The following PBX1 variants were observed in gnomAD, a reference collection of about 807,000 sequenced individuals.
PBX1 encodes PBX homeobox 1.
PBX1 carries 6 observed loss-of-function variants against 53.4 expected under a neutral mutation model. The ratio of observed to expected loss-of-function variants is 0.11; its 90% CI spans 0.06 to 0.22. The LOEUF (loss-of-function observed/expected upper bound fraction) is 0.22. Among genes scored for constraint, PBX1 ranks in the 10% least tolerant of loss-of-function variants. The pLI is 1.00. For synonymous variants in PBX1, 204 were observed against 212.3 expected, an observed-to-expected ratio of 0.96 and a Z score of 0.34; for missense variants, 251 against 551.4, an observed-to-expected ratio of 0.46 and a Z score of 5.46.
chr1:164,598,677 G>T (rs1655937837), intron 2 of PBX1, among the ~76,000 whole-genome samples: 1 of 152,190 alleles, frequency 6.6e-6, no homozygotes, highest in Non-Finnish European at 1.5e-5. Context: ...TGAGCAACAA[G>T]CACCACCCTT....
At chr1:164,758,593 G>A (rs1025056904) in intron 2 of PBX1, among the ~76,000 whole-genome samples, 9 of 152,092 alleles carry the variant, frequency 5.9e-5, no homozygotes, top group South Asian at 2.1e-4. Context: ...CCCTGTCTCC[G>A]TCACAACCTT....
intron 8 of PBX1, among the ~76,000 whole-genome samples, chr1:164,844,712 A>G (rs1366161620): frequency 1.3e-5 from 2 of 152,180 alleles, no homozygotes; most frequent in Non-Finnish European, 2.9e-5. Context: ...ACCAGAATCT[A>G]TATTCCTGGT....
chr1:164,856,676 A>G (rs1295124615), downstream of PBX1, among the ~76,000 whole-genome samples: 1 of 152,064 alleles, frequency 6.6e-6, no homozygotes, highest in Non-Finnish European at 1.5e-5. Context: ...AGAACACATG[A>G]CAGGTCTGTT....
intron 2 of PBX1, among the ~76,000 whole-genome samples, chr1:164,635,040 A>AGAGGCAAGT (rs1234293445): frequency 7.2e-6 from 1 of 138,192 alleles, no homozygotes; most frequent in Non-Finnish European, 1.5e-5. Context: ...TATTCTTATA[A>AGAGGCAAGT]GAGGCAAGTG....
chr1:164,877,906 C>G (rs1254930717), intron 2 of PBX1, among the ~76,000 whole-genome samples: 1 of 152,174 alleles, frequency 6.6e-6, no homozygotes, highest in Non-Finnish European at 1.5e-5. Flanking sequence ...CATCTTCTCC[C>G]CAGCCAACCA....
In PBX1 at chr1:164,672,464, G is replaced by A. The variant is rs889910723; in HGVS notation, c.265+109153G>A. On this transcript the variant is annotated intron_variant, in intron 2 of 8. Coordinates refer to ENST00000420696, the MANE Select transcript of PBX1 (RefSeq NM_002585.4). ...GATACTGAGACGTGACTGTTATGCT[G>A]ATAAAGGCAAGAGATCAATAATTTA... Among the ~76,000 whole-genome samples the A allele has an allele frequency of 2.0e-5, 3 of 152,316 alleles. No homozygotes were observed. In the South Asian group the frequency reaches 6.2e-4, roughly 32 times the overall value.
chr1:164,792,024 C>T (rs1456958105), intron 2 of PBX1, among the ~76,000 whole-genome samples: 1 of 152,078 alleles, frequency 6.6e-6, no homozygotes, highest in Non-Finnish European at 1.5e-5. Flanking sequence ...GGGGTTTCAC[C>T]ATGTTTGCCA....
At chr1:164,639,838 A>T (rs1316411103) in intron 2 of PBX1, among the ~76,000 whole-genome samples, 1 of 151,818 alleles carries the variant, frequency 6.6e-6, no homozygotes, top group African/African-American at 2.4e-5. Context: ...AATTTTTTCT[A>T]TTTTTTGTAG....
At position 164,878,676 on chromosome 1, in the gene PBX1, G is replaced by GA. The variant is rs199802441; in HGVS notation, n.258-20501dup. 1.7e-3 allele frequency among the ~76,000 whole-genome samples: 243 copies of GA among 146,398 alleles called. 1 individual carries two copies. Among genetic ancestry groups the GA allele is most frequent in the East Asian group, 0.015 (76 of 5,052 alleles). ...TAGGGTTTTAGGGGAATTGCTATAG[G>GA]AAAAAAAAAAATCTAAATATGAAGA... On this transcript the variant is annotated intron_variant and non_coding_transcript_variant, in intron 2 of 2. Coordinates refer to the PBX1 transcript ENST00000558796.
chr1:164,625,402 C>G (rs1657970732), intron 2 of PBX1, among the ~76,000 whole-genome samples: 1 of 152,102 alleles, frequency 6.6e-6, no homozygotes, highest in African/African-American at 2.4e-5. Flanking sequence ...GGAAATACAC[C>G]ATGTTACCAT....
chr1:164,762,919 T>C (rs1316471039), intron 2 of PBX1, among the ~76,000 whole-genome samples: 1 of 152,230 alleles, frequency 6.6e-6, no homozygotes, highest in Non-Finnish European at 1.5e-5. Flanking sequence ...AAATTTGTAA[T>C]AAACTGAAAA....
chr1:164,609,400 A>G (rs1401369980), intron 2 of PBX1, among the ~76,000 whole-genome samples: 1 of 152,090 alleles, frequency 6.6e-6, no homozygotes, highest in African/African-American at 2.4e-5. Flanking sequence ...CTAGGTAAGA[A>G]CACCTGAGGG....
In PBX1 at chr1:164,847,062, T is replaced by G; in HGVS notation, c.*386T>G. The G allele has an allele frequency of 9.0e-7, 1 of 1,109,872 alleles. No homozygotes were observed. Among genetic ancestry groups the G allele is most frequent in the Non-Finnish European group, 1.1e-6 (1 of 904,694 alleles). The allele number at this position is 1,109,872 out of a possible 1,614,324, so 68.8% of individuals were successfully genotyped here. On this transcript the variant is annotated 3_prime_UTR_variant, in exon 9 of 9. Coordinates refer to ENST00000420696, the MANE Select transcript of PBX1 (RefSeq NM_002585.4). ...TTACAAAGAAAATAATAAAAGTGTT[T>G]GTACGTTTTCATGCTGGTGGTTTGA...
At chr1:164,830,382 C>T (rs961080519) in intron 8 of PBX1, among the ~76,000 whole-genome samples, 1 of 152,120 alleles carries the variant, frequency 6.6e-6, no homozygotes, top group Non-Finnish European at 1.5e-5. Flanking sequence ...GACTTCTTAA[C>T]ACAAAACATA....
At position 164,653,629 on chromosome 1, in the gene PBX1, G is replaced by T. The variant is rs192830405; in HGVS notation, c.265+90318G>T. Among the ~76,000 whole-genome samples, 376 of 152,266 alleles carry T rather than the reference G, an allele frequency of 2.5e-3. 5 individuals are homozygous for T. The highest frequency in any genetic ancestry group is 8.5e-3 in the African/African-American group (353 of 41,532). Reference sequence around the variant, plus strand: ...CTACTAAAAAACAAAAATTAGCCAGGCGTGGTGGTAGGCACCTATAATCCC... The same window carrying T: ...CTACTAAAAAACAAAAATTAGCCAGTCGTGGTGGTAGGCACCTATAATCCC... On this transcript the variant is annotated intron_variant, in intron 2 of 8. Coordinates refer to ENST00000420696, the MANE Select transcript of PBX1 (RefSeq NM_002585.4).
intron 2 of PBX1, among the ~76,000 whole-genome samples, chr1:164,783,659 G>A (rs1447355520): frequency 6.6e-6 from 1 of 152,138 alleles, no homozygotes; most frequent in Non-Finnish European, 1.5e-5. Context: ...TAAGGCATAG[G>A]TGAAGTCGTG....
chr1:164,828,853 T>A (rs573937253), intron 8 of PBX1: 1 of 152,204 alleles, frequency 6.6e-6, no homozygotes, highest in Admixed American at 6.5e-5. Flanking sequence ...AAGAGTTCCA[T>A]GTTCTTAGAC....
intron 2 of PBX1, among the ~76,000 whole-genome samples, chr1:164,639,288 A>G (rs1425727024): frequency 6.6e-6 from 1 of 152,202 alleles, no homozygotes; most frequent in Non-Finnish European, 1.5e-5. Context: ...GTTGATTCCA[A>G]ACTTCAGTGT....
At chr1:164,681,608 GA>G (rs1433021127) in intron 2 of PBX1, among the ~76,000 whole-genome samples, 1 of 152,150 alleles carries the variant, frequency 6.6e-6, no homozygotes, top group Non-Finnish European at 1.5e-5. Flanking sequence ...CCAGAACATA[GA>G]AAGTAAATGA....
Sources: allele counts gnomAD v4.1 joint callset (sites outside exome capture counted in the v4.1 genomes callset), GRCh38; gene constraint gnomAD v4.1.1; transcripts MANE v1.5; gene names NCBI Gene and HGNC (gene_info 2026-07-23, HGNC 2026-07-21).